ACMSD: variants seen among roughly 807,000 people sequenced by gnomAD.
The protein encoded by ACMSD is 2-amino-3-carboxymuconate-6-semialdehyde decarboxylase.
In ACMSD, 37 loss-of-function variants were observed where a neutral mutation model predicts 45.9. That is an observed-to-expected ratio of 0.81 (90% CI 0.62 to 1.06). ACMSD has a LOEUF of 1.06. Among genes scored for constraint, ACMSD ranks in the 50% least tolerant of loss-of-function variants. ACMSD has a pLI of 0.00. For synonymous variants in ACMSD, 138 were observed against 148.8 expected (o/e 0.93, Z 0.53); for missense variants, 434 against 420.9 (o/e 1.03, Z -0.27).
chr2:134,867,306 G>A (rs550335704), intron 5 of ACMSD: 4 of 237,656 alleles, frequency 1.7e-5, no homozygotes, highest in Admixed American at 5.6e-5. Flanking sequence ...ATTTCCTGAC[G>A]CTTGTTTTAC....
intron 1 of ACMSD, among the ~76,000 whole-genome samples, chr2:134,844,751 G>A (rs532998666): frequency 1.3e-5 from 2 of 152,248 alleles, no homozygotes; most frequent in South Asian, 4.1e-4. Flanking sequence ...AGGGATATGA[G>A]CGGGACACCA....
At chr2:134,846,962 T>A (rs1476838216) in intron 2 of ACMSD, among the ~76,000 whole-genome samples, 1 of 151,964 alleles carries the variant, frequency 6.6e-6, no homozygotes, top group East Asian at 1.9e-4. Context: ...CTTTTCCAAG[T>A]GGGGGAACAG....
intron 9 of ACMSD, 79 bp downstream of exon 9, chr2:134,898,518 T>A: frequency 2.2e-6 from 2 of 905,954 alleles, no homozygotes; most frequent in Non-Finnish European, 3.2e-6. Context: ...CACTTTGATA[T>A]ATAAAAACAA....
intron 1 of ACMSD, among the ~76,000 whole-genome samples, chr2:134,842,636 C>T (rs1181798223): frequency 6.6e-6 from 1 of 152,140 alleles, no homozygotes; most frequent in African/African-American, 2.4e-5. Context: ...TCATCACCAC[C>T]GTCACCATCA....
chr2:134,894,255 C>T (rs1689964612), intron 8 of ACMSD, among the ~76,000 whole-genome samples: 1 of 151,878 alleles, frequency 6.6e-6, no homozygotes, highest in Non-Finnish European at 1.5e-5. Flanking sequence ...AAAAAAGATT[C>T]AAATTACTAA....
Position 134,840,167 on chromosome 2 carries a change from CAAAAAAAAAAAAAAAA to C in ACMSD, c.57+1439_57+1454del, listed in dbSNP as rs1158518481. On this transcript the variant is annotated intron_variant, in intron 1 of 9. Transcript: ENST00000356140. The stretch of plus-strand genomic sequence containing the variant: ...TAAAATAGCCATAAACTATACCTAG[CAAAAAAAAAAAAAAAA>C]AAAAAAAAAACCACTAATTCCTCTG... Among the ~76,000 whole-genome samples the C allele has an allele frequency of 3.4e-4, 8 of 23,434 alleles. 1 individual carries two copies. The Admixed American group carries it at 5.3e-3, about 15-fold the overall frequency. 15.4% of individuals were successfully genotyped at this position (23,434 alleles called of 152,430 possible). A position where few individuals can be genotyped will look rare whatever the true frequency, so the allele number is the denominator to read the frequency against.
rs1003296458 is a variant in ACMSD, at chr2:134,847,168, C to T, written c.102+1891C>T. Among the ~76,000 whole-genome samples the T allele has an allele frequency of 4.6e-5, 7 of 152,180 alleles. No homozygotes were observed. The East Asian group carries it at 7.7e-4, about 17-fold the overall frequency. ...CATTCTCAAAACAATGCAAATTCTT[C>T]GGAGGGTCTTAATGGCTTTAAAAGA... On this transcript the variant is annotated intron_variant, in intron 2 of 9. Transcript: ENST00000356140.
chr2:134,885,196 A>C (rs1483717867), intron 8 of ACMSD, among the ~76,000 whole-genome samples: 1 of 137,060 alleles, frequency 7.3e-6, no homozygotes, highest in African/African-American at 2.8e-5. Context: ...ACTTTGTCTC[A>C]AAAAATATAT....
At chr2:134,842,201 G>A (rs1686836280) in intron 1 of ACMSD, among the ~76,000 whole-genome samples, 1 of 152,132 alleles carries the variant, frequency 6.6e-6, no homozygotes, top group Admixed American at 6.5e-5. Context: ...CACTCCCAGG[G>A]TCATAAATTT....
chr2:134,844,471 G>A (rs1019096385), intron 1 of ACMSD: 3 of 152,308 alleles, frequency 2.0e-5, no homozygotes, highest in Non-Finnish European at 4.4e-5. Context: ...GCCAGTGAAA[G>A]GTTTGTATTC....
intron 3 of ACMSD, chr2:134,859,563 C>T (rs13428889): frequency 0.045 from 21,393 of 473,184 alleles, 808 homozygotes; most frequent in African/African-American, 0.13. Context: ...ATGAGTTATA[C>T]CCTGTTTTAA....
At position 134,838,699 on chromosome 2, in the gene ACMSD, A is replaced by G; in HGVS notation, c.17A>G (p.His6Arg). The G allele has an allele frequency of 6.2e-7, 1 of 1,607,430 alleles. No individual in the cohort carries two copies. The highest frequency in any genetic ancestry group is 2.2e-5 in the East Asian group (1 of 44,848). Residue 6 changes from histidine (H) to arginine (R), a missense_variant, in exon 1 of 10, where the codon CAT becomes CGT. By Grantham distance (29) the His-to-Arg change is conservative. Coordinates refer to ENST00000356140, the MANE Select transcript of ACMSD (RefSeq NM_138326.3). ...CCTGTGGAGATGAAAATTGACATCC[A>G]TAGTCATATTCTACCAAAAGAATGG... MKIDI[H>R]SHILPKEWPD... is the part of the protein sequence containing the mutation.
chr2:134,872,429 C>T (rs750370181), intron 7 of ACMSD, 40 bp from the exon 8 acceptor site: 5 of 1,612,054 alleles, frequency 3.1e-6, no homozygotes, highest in Middle Eastern at 1.6e-4. Context: ...GAATCCTTTA[C>T]AATCAACACT....
intron 4 of ACMSD, among the ~76,000 whole-genome samples, chr2:134,862,320 A>G (rs1384984785): frequency 6.6e-6 from 1 of 152,170 alleles, no homozygotes; most frequent in East Asian, 1.9e-4. Flanking sequence ...CATTCCTGCA[A>G]TGCCTTGCCG....
intron 8 of ACMSD, among the ~76,000 whole-genome samples, chr2:134,885,308 T>A (rs1489952869): frequency 1.0e-5 from 1 of 96,948 alleles, no homozygotes; most frequent in Non-Finnish European, 1.8e-5. Flanking sequence ...TATATTTAAA[T>A]ATATATATAT....
intron 3 of ACMSD, chr2:134,859,810 G>A (rs997819672): frequency 6.6e-6 from 1 of 152,570 alleles, no homozygotes; most frequent in African/African-American, 2.4e-5. Flanking sequence ...GTTGGAAATG[G>A]AAGCAGTTAA....
chr2:134,861,745 T>A (rs549289414), intron 3 of ACMSD, among the ~76,000 whole-genome samples: 2 of 152,206 alleles, frequency 1.3e-5, no homozygotes, highest in South Asian at 4.2e-4. Flanking sequence ...ATGGGGTCAG[T>A]TAGTTTTCCT....
In ACMSD at chr2:134,845,244, C is replaced by T. The variant is rs758561115; in HGVS notation, c.69C>T (p.Tyr23=). The T allele has an allele frequency of 1.2e-5, 19 of 1,613,958 alleles. No individual in the cohort carries two copies. The highest frequency in any genetic ancestry group is 4.0e-5 in the African/African-American group (3 of 74,890). The change falls in exon 2 of 10, where the codon TAC becomes TAT. Residue 23 remains tyrosine, a synonymous_variant. Transcript: ENST00000356140. Reference sequence around the variant, plus strand: ...TCTCCCCACTGCAGAGGTTTGGCTACGGAGGCTGGGTGCAGCTCCAACACC... The same window carrying T: ...TCTCCCCACTGCAGAGGTTTGGCTATGGAGGCTGGGTGCAGCTCCAACACC... ...EWPDLKKRFG[Y]GGWVQLQHHS... is the part of the protein sequence containing the mutation.
At chr2:134,873,119 T>C (rs1047000047) in intron 8 of ACMSD, 3 of 164,936 alleles carry the variant, frequency 1.8e-5, no homozygotes, top group African/African-American at 4.8e-5. Flanking sequence ...AAATGCATAG[T>C]TGGGAAATTG....
Sources: gnomAD v4.1 joint callset for allele counts (sites outside exome capture counted in the v4.1 genomes callset) on GRCh38, gnomAD v4.1.1 for gene constraint, MANE v1.5 for transcripts, NCBI Gene and HGNC (gene_info 2026-07-23, HGNC 2026-07-21) for gene names.